The following AKT3 variants were observed in gnomAD, a reference collection of about 807,000 sequenced individuals.
AKT3 encodes RAC-gamma serine/threonine-protein kinase.
A neutral mutation model predicts 65.3 loss-of-function variants in AKT3; 15 were observed. The observed-to-expected ratio is 0.23, with a 90% CI of 0.15 to 0.35. The LOEUF is 0.35. Ranked by LOEUF, AKT3 falls within the 10% of genes least tolerant of loss-of-function variation. The pLI, the probability that AKT3 is intolerant of heterozygous loss-of-function variation, is 1.00. For missense variants in AKT3, 243 were observed against 576.5 expected (o/e 0.42, Z 5.92); for synonymous variants, 206 against 183.8 (o/e 1.12, Z -0.98).
At chr1:243,785,928 G>A (rs1691235074) in intron 2 of AKT3, among the ~76,000 whole-genome samples, 1 of 152,210 alleles carries the variant, frequency 6.6e-6, no homozygotes, top group Admixed American at 6.5e-5. Context: ...AGAAGACAAA[G>A]TGGAAAAGTA....
At chr1:243,792,606 G>A (rs948691170) in intron 2 of AKT3, among the ~76,000 whole-genome samples, 12 of 152,126 alleles carry the variant, frequency 7.9e-5, no homozygotes, top group Admixed American at 7.2e-4. Flanking sequence ...ATCATCCTAG[G>A]AGTAGGAATG....
intron 8 of AKT3, among the ~76,000 whole-genome samples, chr1:243,577,258 T>C (rs1675007763): frequency 1.3e-5 from 2 of 152,158 alleles, no homozygotes; most frequent in East Asian, 1.9e-4. Flanking sequence ...GCAATTCTCC[T>C]GCCTCAGCCT....
intron 13 of AKT3, among the ~76,000 whole-genome samples, chr1:243,489,302 A>G (rs1275728216): frequency 1.3e-5 from 2 of 152,238 alleles, no homozygotes; most frequent in Non-Finnish European, 2.9e-5. Flanking sequence ...CAGGACCCAG[A>G]GAAGCGGAGC....
Position 243,514,809 on chromosome 1 carries a change from C to T in AKT3, c.1252-2383G>A, listed in dbSNP as rs189429053. Among the ~76,000 whole-genome samples, 15 of 152,136 alleles carry T rather than the reference C, an allele frequency of 9.9e-5. No individual in the cohort carries two copies. The East Asian group carries it at 2.3e-3, about 24-fold the overall frequency. ...CTATTGCATTCCAACCCGGCCGGGGCGAACGAGTAAAACCCTCTCAAAAAA... is the reference window on the plus strand; with the variant it reads ...CTATTGCATTCCAACCCGGCCGGGGTGAACGAGTAAAACCCTCTCAAAAAA... On this transcript the variant is annotated intron_variant, in intron 12 of 13. Coordinates refer to ENST00000673466, the MANE Select transcript of AKT3 (RefSeq NM_005465.7).
At chr1:243,764,614 T>A (rs1304695347) in intron 2 of AKT3, among the ~76,000 whole-genome samples, 3 of 152,052 alleles carry the variant, frequency 2.0e-5, no homozygotes, top group African/African-American at 4.8e-5. Flanking sequence ...TCCCGAGTAC[T>A]GACCTCTATT....
rs1017801475 is a variant in AKT3 at position 243,500,611 on chromosome 1, C to CAA, written c.*4636_*4637dup. 4.4e-6 allele frequency: 1 copy of CAA among 229,516 alleles called. No individual in the cohort carries two copies. Among genetic ancestry groups the CAA allele is most frequent in the African/African-American group, 2.2e-5 (1 of 45,098 alleles). 14.2% of individuals were successfully genotyped at this position (229,516 alleles called of 1,614,324 possible). A position where few individuals can be genotyped will look rare whatever the true frequency, so the allele number is the denominator to read the frequency against. On this transcript the variant is annotated 3_prime_UTR_variant, in exon 14 of 14. Coordinates refer to ENST00000673466, the MANE Select transcript of AKT3 (RefSeq NM_005465.7). ...CATACCGTGTTGTATCTGAGAATGA[C>CAA]AAACACTAAAGGCAAGGCTGCAGTT...
chr1:243,837,405 C>T (rs193244554), intron 2 of AKT3, among the ~76,000 whole-genome samples: 5 of 152,216 alleles, frequency 3.3e-5, no homozygotes, highest in African/African-American at 1.2e-4. Context: ...AGAAAAAATA[C>T]AATCCACCTT....
chr1:243,814,722 A>G (rs557321942), intron 2 of AKT3: 2 of 152,326 alleles, frequency 1.3e-5, no homozygotes, highest in Admixed American at 1.3e-4. Flanking sequence ...TTAGCTATCT[A>G]TCACTGCATA....
intron 13 of AKT3, among the ~76,000 whole-genome samples, chr1:243,493,076 G>A (rs1010677732): frequency 2.0e-5 from 3 of 152,300 alleles, no homozygotes; most frequent in Non-Finnish European, 4.4e-5. Context: ...TTGCCTAGAT[G>A]CAGTTCCCCA....
At chr1:243,693,300 T>A in intron 3 of AKT3, among the ~76,000 whole-genome samples, 1 of 98,798 alleles carries the variant, frequency 1.0e-5, no homozygotes, top group Non-Finnish European at 2.1e-5. Flanking sequence ...ATATAACATT[T>A]CCCAACATAC....
At chr1:243,615,189 A>G (rs758691436) in intron 6 of AKT3, 28 bp from the exon 7 acceptor site, 2 of 1,553,598 alleles carry the variant, frequency 1.3e-6, no homozygotes, top group Non-Finnish European at 1.8e-6. Context: ...CAAACCTTCA[A>G]TATATGTTTT....
intron 5 of AKT3, among the ~76,000 whole-genome samples, chr1:243,645,299 G>C (rs1680723632): frequency 1.3e-5 from 2 of 152,030 alleles, no homozygotes. Flanking sequence ...TAAGGAAATT[G>C]CTTTTCAATT....
At chr1:243,771,429 T>C (rs1690179218) in intron 2 of AKT3, among the ~76,000 whole-genome samples, 1 of 152,174 alleles carries the variant, frequency 6.6e-6, no homozygotes, top group African/African-American at 2.4e-5. Context: ...TGAATGGATA[T>C]TTTAAGACTG....
chr1:243,553,595 C>T (rs1485552973), intron 10 of AKT3, among the ~76,000 whole-genome samples: 1 of 152,118 alleles, frequency 6.6e-6, no homozygotes, highest in Non-Finnish European at 1.5e-5. Flanking sequence ...CAGCTTTATA[C>T]CTCACAACAA....
intron 12 of AKT3, among the ~76,000 whole-genome samples, chr1:243,541,475 C>T (rs1276257422): frequency 1.3e-5 from 2 of 151,970 alleles, no homozygotes; most frequent in Non-Finnish European, 2.9e-5. Context: ...ACAAAATTCT[C>T]CACGCTCATC....
At chr1:243,743,316 T>G (rs999690557) in intron 2 of AKT3, among the ~76,000 whole-genome samples, 2 of 152,198 alleles carry the variant, frequency 1.3e-5, no homozygotes, top group African/African-American at 4.8e-5. Flanking sequence ...GACTTGACCA[T>G]CCTGGCAAAG....
Position 243,500,942 on chromosome 1 carries a change from T to TTAGA in AKT3, c.*4303_*4306dup, listed in dbSNP as rs1462585708. 7 of 227,944 alleles carry TTAGA rather than the reference T, an allele frequency of 3.1e-5. No individual in the cohort carries two copies. Among genetic ancestry groups the TTAGA allele is most frequent in the South Asian group, 1.8e-4 (1 of 5,496 alleles). 14.1% of individuals were successfully genotyped at this position (227,944 alleles called of 1,614,324 possible). On this transcript the variant is annotated 3_prime_UTR_variant, in exon 14 of 14. Transcript: ENST00000673466. ...TATTTTAATTGTCCTTAATTCTGTT[T>TTAGA]TAGATATACTGTGAATAAATTATAC...
intron 8 of AKT3, among the ~76,000 whole-genome samples, chr1:243,593,743 A>G (rs940923322): frequency 6.6e-6 from 1 of 152,232 alleles, no homozygotes; most frequent in African/African-American, 2.4e-5. Flanking sequence ...ACCTTTAAAG[A>G]AAAGTCAATG....
rs556349304 is a variant in AKT3, at chr1:243,701,975, G to A, written c.47-6259C>T. 1.1e-4 allele frequency among the ~76,000 whole-genome samples: 17 copies of A among 152,000 alleles called. No homozygotes were observed. In the South Asian group the frequency reaches 3.3e-3, roughly 30 times the overall value. ...AAGTCACAAAGTTTTTACCATGTAT[G>A]ATTATTTGTCCTTATACATCTCTGA... On this transcript the variant is annotated intron_variant, in intron 2 of 13. Coordinates refer to ENST00000673466, the MANE Select transcript of AKT3 (RefSeq NM_005465.7).
Sources: gnomAD v4.1 joint callset for allele counts (sites outside exome capture counted in the v4.1 genomes callset) on GRCh38, gnomAD v4.1.1 for gene constraint, MANE v1.5 for transcripts, NCBI Gene and HGNC (gene_info 2026-07-23, HGNC 2026-07-21) for gene names.